DENND2B: variants seen among roughly 807,000 people sequenced by gnomAD.
The protein encoded by DENND2B is DENN domain containing 2B.
DENND2B carries 32 observed loss-of-function variants against 116.0 expected under a neutral mutation model. The ratio of observed to expected loss-of-function variants is 0.28; its 90% CI spans 0.21 to 0.37. The LOEUF is 0.37. Among genes scored for constraint, DENND2B ranks in the 10% least tolerant of loss-of-function variants. The probability of loss-of-function intolerance (pLI) is 1.00; values close to 1 mark genes in which losing one functional copy is unlikely to be tolerated. For synonymous variants in DENND2B, 588 were observed against 583.9 expected, an observed-to-expected ratio of 1.01 and a Z score of -0.10; for missense variants, 1,276 against 1,477.7, an observed-to-expected ratio of 0.86 and a Z score of 2.24.
At chr11:8,836,658 G>A (rs1311033365) in intron 4 of DENND2B, among the ~76,000 whole-genome samples, 1 of 151,924 alleles carries the variant, frequency 6.6e-6, no homozygotes, top group Non-Finnish European at 1.5e-5. Context: ...CTGACCTCAT[G>A]ATCCACCCGC....
chr11:8,905,817 T>C (rs1187435788), intron 1 of DENND2B, among the ~76,000 whole-genome samples: 2 of 152,012 alleles, frequency 1.3e-5, no homozygotes, highest in Non-Finnish European at 2.9e-5. Context: ...TATATTCATA[T>C]AACGGGATAG....
chr11:8,748,013 C>T (rs1272502670), intron 2 of DENND2B, among the ~76,000 whole-genome samples: 5 of 152,124 alleles, frequency 3.3e-5, no homozygotes, highest in Non-Finnish European at 7.3e-5. Context: ...TGCCCACCCC[C>T]GCCAGTTTTC....
chr11:8,757,036 A>G, intron 1 of DENND2B: 1 of 456,332 alleles, frequency 2.2e-6, no homozygotes, highest in Non-Finnish European at 4.4e-6. Flanking sequence ...AAAGGAATAG[A>G]ATAAGGTACC....
At chr11:8,706,916 T>C (rs1384045802) in intron 13 of DENND2B, among the ~76,000 whole-genome samples, 169 bp downstream of exon 13, 3 of 152,166 alleles carry the variant, frequency 2.0e-5, no homozygotes, top group Non-Finnish European at 2.9e-5. Flanking sequence ...CTGGACAACA[T>C]GTACATTCCT....
At position 8,696,575 on chromosome 11, in the gene DENND2B, A is replaced by T. The variant is rs763633987; in HGVS notation, c.3144T>A (p.Ser1048Arg). ...VGHYSLFLTQ[S>R]EKGERAFQRE... ...GCTGAAAGGCCCTCTCTCCCTTCTC[A>T]CTCTGTGTCAGAAAGAGGGAGTAGT... Residue 1048 changes from serine (S) to arginine (R), a missense_variant, in exon 18 of 20, where the codon AGT (serine) becomes AGA (arginine). Coordinates refer to ENST00000313726, the MANE Select transcript of DENND2B (RefSeq NM_213618.2). 1 of 1,614,112 alleles carries T rather than the reference A, an allele frequency of 6.2e-7. No homozygotes were observed. The highest frequency in any genetic ancestry group is 1.7e-5 in the Admixed American group (1 of 60,012).
At chr11:8,776,146 G>GCGCACACACACACACACACACACACACA (rs746605997) in intron 1 of DENND2B, 1 of 264,214 alleles carries the variant, frequency 3.8e-6, no homozygotes, top group African/African-American at 3.3e-5. Flanking sequence ...GCACGTGCGC[G>GCGCACACACACACACACACACACACACA]CACGCGCGCG....
intron 1 of DENND2B, among the ~76,000 whole-genome samples, chr11:8,908,406 C>T (rs2064266507): frequency 6.6e-6 from 1 of 152,156 alleles, no homozygotes; most frequent in African/African-American, 2.4e-5. Flanking sequence ...GGAGACCAGG[C>T]TGAAGCTTAA....
In DENND2B at chr11:8,726,199, C is replaced by G. The variant is rs779774394; in HGVS notation, c.1351G>C (p.Glu451Gln). ...HRKSQSRKSFEFEDASSLQSL... is the reference protein window; with the variant it reads ...HRKSQSRKSFQFEDASSLQSL... ...TGGAGACTGGATGCATCCTCAAACT[C>G]AAAGGATTTTCTGTGGATAACAAGA... Residue 451 changes from glutamate (E) to glutamine (Q), a missense_variant, in exon 4 of 20, where the codon GAG becomes CAG. Physicochemically the swap from Glu to Gln is conservative, Grantham distance 29 (BLOSUM62 2). This residue lies in a region of DENND2B where 856 missense variants were observed against 846.6 expected (regional missense o/e 1.01). Coordinates refer to ENST00000313726, the MANE Select transcript of DENND2B (RefSeq NM_213618.2). The G allele has an allele frequency of 1.2e-6, 2 of 1,609,538 alleles. No individual in the cohort carries two copies. The highest frequency in any genetic ancestry group is 1.7e-6 in the Non-Finnish European group (2 of 1,178,010).
intron 3 of DENND2B, chr11:8,845,468 T>G (rs986797750): frequency 6.6e-6 from 1 of 152,234 alleles, no homozygotes; most frequent in African/African-American, 2.4e-5. Flanking sequence ...ATGCCTTCAA[T>G]TTTGTTGAAA....
intron 1 of DENND2B, among the ~76,000 whole-genome samples, chr11:8,793,047 G>C (rs1246404925): frequency 1.3e-5 from 2 of 152,164 alleles, no homozygotes; most frequent in Non-Finnish European, 2.9e-5. Flanking sequence ...CCGTCAAAAG[G>C]GGCTTGGTTA....
rs1367759995 is a variant in DENND2B at position 8,707,848 on chromosome 11, C to G, written c.2359G>C (p.Gly787Arg). ...FGYCRRLLPSGKGPRLPEVYC... is the reference protein window; with the variant it reads ...FGYCRRLLPSRKGPRLPEVYC... ...ACCTCTGGCAACCGGGGCCCTTTCC[C>G]ACTTGGCTGGGCCAGGACAAGGAGG... The change falls in exon 12 of 20, where the codon GGG (glycine) becomes CGG (arginine). Residue 787 changes from glycine to arginine, a missense_variant. Physicochemically the swap from Gly to Arg is moderately radical, Grantham distance 125 (BLOSUM62 -2). Around this residue, in one of 2 missense-constraint regions of DENND2B, gnomAD observed 420 missense variants for 631.1 expected, o/e 0.67. Coordinates refer to ENST00000313726, the MANE Select transcript of DENND2B (RefSeq NM_213618.2). This position sits in a 1 kb window ranked among gnomAD's most constrained non-coding sequence, Gnocchi z 4.8. The G allele has an allele frequency of 6.2e-7, 1 of 1,609,248 alleles. No individual in the cohort carries two copies. Among genetic ancestry groups the G allele is most frequent in the East Asian group, 2.2e-5 (1 of 44,740 alleles).
At chr11:8,903,474 T>TAAAAAAA (rs35974143) in intron 1 of DENND2B, among the ~76,000 whole-genome samples, 1 of 116,274 alleles carries the variant, frequency 8.6e-6, no homozygotes. Context: ...ACCAAGATGT[T>TAAAAAAA]AAAAAAAAAA....
rs776467816 is a variant in DENND2B, at chr11:8,714,036, T to A, written c.1949A>T (p.Asn650Ile). 6.2e-7 allele frequency: 1 copy of A among 1,614,056 alleles called. No individual in the cohort carries two copies. The highest frequency in any genetic ancestry group is 1.7e-5 in the Admixed American group (1 of 60,028). ...ATCAGAGTCGCTCTCGCTCTCACTG[T>A]TTTCATCTGGAAAAGGAACAGCAGA... ...SIETASLRDE[N>I]SESESDSDDR... Residue 650 changes from asparagine (N) to isoleucine (I), a missense_variant, in exon 8 of 20, where the codon AAC (asparagine) becomes ATC (isoleucine). Physicochemically the swap from Asn to Ile is moderately radical, Grantham distance 149 (BLOSUM62 -3). Transcript: ENST00000313726.
intron 2 of DENND2B, among the ~76,000 whole-genome samples, chr11:8,863,838 T>G (rs2063489386): frequency 6.6e-6 from 1 of 152,008 alleles, no homozygotes; most frequent in Non-Finnish European, 1.5e-5. Context: ...CCCATACAAT[T>G]ATACTATTTT....
At chr11:8,731,289 C>G in intron 2 of DENND2B, 80 bp from the exon 3 acceptor site, 1 of 1,312,000 alleles carries the variant, frequency 7.6e-7, no homozygotes. Flanking sequence ...CTGTTTTATT[C>G]TTACAGAACT....
intron 1 of DENND2B, among the ~76,000 whole-genome samples, chr11:8,802,900 G>T (rs1202329512): frequency 2.0e-5 from 3 of 152,254 alleles, no homozygotes; most frequent in South Asian, 2.1e-4. Flanking sequence ...TCCAGCCTCC[G>T]AGTTCTGAGA....
chr11:8,881,725 G>C (rs2063905789), intron 1 of DENND2B, among the ~76,000 whole-genome samples: 1 of 152,074 alleles, frequency 6.6e-6, no homozygotes, highest in Non-Finnish European at 1.5e-5. Flanking sequence ...ATTTTTAGTA[G>C]AGACAGGATT....
At chr11:8,773,634 A>G (rs920725771) in intron 1 of DENND2B, among the ~76,000 whole-genome samples, 3 of 152,208 alleles carry the variant, frequency 2.0e-5, no homozygotes, top group Non-Finnish European at 4.4e-5. Flanking sequence ...AGTCCAGCAG[A>G]GCTGAGGCAG....
chr11:8,859,347 G>T (rs372124790), intron 2 of DENND2B, among the ~76,000 whole-genome samples: 1 of 151,352 alleles, frequency 6.6e-6, no homozygotes, highest in African/African-American at 2.4e-5. Flanking sequence ...TCCCTCTCTC[G>T]CCCAGGCTGG....
Sources: gnomAD v4.1 joint callset for allele counts (sites outside exome capture counted in the v4.1 genomes callset) on GRCh38, gnomAD v4.1.1 for gene constraint, gnomAD v4.1.1 regional missense constraint, Gnocchi (gnomAD v3.1) non-coding constraint, MANE v1.5 for transcripts, NCBI Gene and HGNC (gene_info 2026-07-23, HGNC 2026-07-21) for gene names.